PFN4: variants seen among roughly 807,000 people sequenced by gnomAD.
PFN4 encodes profilin family member 4, also known as profilin-4.
A neutral mutation model predicts 16.3 loss-of-function variants in PFN4; 10 were observed. The ratio of observed to expected loss-of-function variants is 0.61; its 90% CI spans 0.38 to 1.04. The LOEUF (loss-of-function observed/expected upper bound fraction) is 1.04, where lower values mean the gene tolerates loss of function less well. PFN4 is among the 50% of genes least tolerant of loss of function. PFN4 has a pLI of 0.01. For missense variants in PFN4, 136 were observed against 153.6 expected (o/e 0.89, Z 0.61); for synonymous variants, 54 against 56.9 (o/e 0.95, Z 0.23).
intron 4 of PFN4, 129 bp from the exon 5 acceptor site, chr2:24,115,740 C>T: frequency 3.1e-6 from 3 of 971,086 alleles, no homozygotes; most frequent in Middle Eastern, 2.1e-4. Context: ...GTGCTAGGTA[C>T]TGGAGAAACA....
chr2:24,121,225 A>G lies in PFN4; in HGVS notation c.193T>C (p.Tyr65His), dbSNP rs1260317208. ...CATCTGTAATCTTTTCCCTTGAAAT[A>G]CAGTCCTTCTCTTCGGGCTTGCAAA... ...NPLQARREGL[Y>H]FKGKDYRCVR... The change falls in exon 3 of 5, where the codon TAT (tyrosine) becomes CAT (histidine). Residue 65 changes from tyrosine to histidine, a missense_variant. Coordinates refer to ENST00000313213, the MANE Select transcript of PFN4 (RefSeq NM_199346.3). 1.9e-6 allele frequency: 3 copies of G among 1,614,204 alleles called. No homozygotes were observed. The highest frequency in any genetic ancestry group is 1.6e-4 in the Middle Eastern group (1 of 6,062).
intron 4 of PFN4, 99 bp from the exon 5 acceptor site, chr2:24,115,710 A>G (rs1416147132): frequency 1.1e-5 from 14 of 1,330,288 alleles, no homozygotes; most frequent in Non-Finnish European, 1.5e-5. Flanking sequence ...TTGCCAGGTG[A>G]CTGCCATGTG....
chr2:24,117,923 C>G (rs1325493923), intron 4 of PFN4, among the ~76,000 whole-genome samples: 1 of 152,208 alleles, frequency 6.6e-6, no homozygotes, highest in Non-Finnish European at 1.5e-5. Context: ...GATAGCTGTC[C>G]CTTCCCAGAG....
intron 4 of PFN4, among the ~76,000 whole-genome samples, chr2:24,115,814 A>G (rs1382713506): frequency 6.6e-6 from 1 of 151,850 alleles, no homozygotes; most frequent in Admixed American, 6.6e-5. Flanking sequence ...AGTAGGGGAT[A>G]TAGGCACACA....
rs1665882173 is a variant in PFN4 at position 24,115,429 on chromosome 2, G to A, written c.*154C>T. 1 of 631,802 alleles carries A rather than the reference G, an allele frequency of 1.6e-6. No homozygotes were observed. Among genetic ancestry groups the A allele is most frequent in the African/African-American group, 1.8e-5 (1 of 54,304 alleles). The allele number at this position is 631,802 out of a possible 1,614,324, so 39.1% of individuals were successfully genotyped here. A position where few individuals can be genotyped will look rare whatever the true frequency, so the allele number is the denominator to read the frequency against. On this transcript the variant is annotated 3_prime_UTR_variant, in exon 5 of 5. Coordinates refer to ENST00000313213, the MANE Select transcript of PFN4 (RefSeq NM_199346.3). ...ATCAAGTAATTCCAGTGAAAGAAGA[G>A]GATCTCTGGAAGTAATAAAAATTGC... is the stretch of plus-strand genomic sequence containing the variant.
chr2:24,121,041 A>G (rs1666099043), intron 3 of PFN4, 122 bp downstream of exon 3: 1 of 1,339,674 alleles, frequency 7.5e-7, no homozygotes, highest in Non-Finnish European at 1.0e-6. Context: ...TGCTATCTCA[A>G]GACAATGGCT....
At chr2:24,119,872 A>G (rs1222248098) in intron 3 of PFN4, among the ~76,000 whole-genome samples, 190 bp from the exon 4 acceptor site, 1 of 152,148 alleles carries the variant, frequency 6.6e-6, no homozygotes, top group Non-Finnish European at 1.5e-5. Context: ...TTTTCCACCA[A>G]TTTAGTTGCC....
intron 3 of PFN4, among the ~76,000 whole-genome samples, chr2:24,120,271 A>C (rs1415168044): frequency 7.5e-6 from 1 of 133,132 alleles, no homozygotes; most frequent in Admixed American, 7.1e-5. Context: ...CTCGTCTCAA[A>C]AAAAAAAACA....
intron 4 of PFN4, among the ~76,000 whole-genome samples, chr2:24,118,854 G>T (rs2151005262): frequency 6.6e-6 from 1 of 152,250 alleles, no homozygotes; most frequent in Admixed American, 6.5e-5. Context: ...TGAATGAGTG[G>T]CTGCTTTTGT....
In PFN4 at chr2:24,121,231, C is replaced by G. The variant is rs555639473; in HGVS notation, c.187G>C (p.Gly63Arg). ...AKNPLQARRE[G>R]LYFKGKDYRC... ...TAATCTTTTCCCTTGAAATACAGTC[C>G]TTCTCTTCGGGCTTGCAAAGGGTTC... The change falls in exon 3 of 5, where the codon GGA (glycine) becomes CGA (arginine). Residue 63 changes from glycine to arginine, a missense_variant. Coordinates refer to ENST00000313213, the MANE Select transcript of PFN4 (RefSeq NM_199346.3). 1 of 1,614,150 alleles carries G rather than the reference C, an allele frequency of 6.2e-7. No individual in the cohort carries two copies. Among genetic ancestry groups the G allele is most frequent in the South Asian group, 1.1e-5 (1 of 91,080 alleles).
chr2:24,114,983 G>A lies in PFN4; in HGVS notation c.*600C>T, dbSNP rs1235643523. On this transcript the variant is annotated 3_prime_UTR_variant, in exon 5 of 5. Coordinates refer to ENST00000313213, the MANE Select transcript of PFN4 (RefSeq NM_199346.3). Reference sequence around the variant, plus strand: ...ACCAGATACCTGCAAATGGGAGTGTGAAATGTCCATTGAATACCTTGACTA... The same window carrying A: ...ACCAGATACCTGCAAATGGGAGTGTAAAATGTCCATTGAATACCTTGACTA... Among the ~76,000 whole-genome samples the A allele has an allele frequency of 6.6e-6, 1 of 152,198 alleles. No individual in the cohort carries two copies. The highest frequency in any genetic ancestry group is 1.5e-5 in the Non-Finnish European group (1 of 68,036).
intron 1 of PFN4, chr2:24,122,778 G>C (rs1246655429): frequency 4.5e-5 from 16 of 356,804 alleles, no homozygotes; most frequent in Middle Eastern, 7.2e-4. Context: ...AGCTGAGTTT[G>C]GAAAATCACA....
rs1006236271 is a variant in PFN4, at chr2:24,115,416, C to T, written c.*167G>A. The T allele has an allele frequency of 2.4e-5, 15 of 612,592 alleles. No individual in the cohort carries two copies. Among genetic ancestry groups the T allele is most frequent in the African/African-American group, 2.2e-4 (12 of 54,008 alleles). The allele number at this position is 612,592 out of a possible 1,614,324, so 37.9% of individuals were successfully genotyped here. A position where few individuals can be genotyped will look rare whatever the true frequency, so the allele number is the denominator to read the frequency against. On this transcript the variant is annotated 3_prime_UTR_variant, in exon 5 of 5. Coordinates refer to ENST00000313213, the MANE Select transcript of PFN4 (RefSeq NM_199346.3). ...TAAAAAACAGTTGATCAAGTAATTC[C>T]AGTGAAAGAAGAGGATCTCTGGAAG...
At chr2:24,122,860 A>G (rs1006376252) in intron 1 of PFN4, 1 of 202,916 alleles carries the variant, frequency 4.9e-6, no homozygotes, top group Non-Finnish European at 9.8e-6. Flanking sequence ...AACATTACAC[A>G]CTGAGAAAAA....
At chr2:24,121,426 G>A in intron 2 of PFN4, 126 bp from the exon 3 acceptor site, 11 of 871,270 alleles carry the variant, frequency 1.3e-5, no homozygotes, top group Admixed American at 3.1e-5. Flanking sequence ...TAAATGGTTG[G>A]GGAAAAAAAA....
At chr2:24,117,545 T>C (rs1665962147) in intron 4 of PFN4, among the ~76,000 whole-genome samples, 1 of 151,638 alleles carries the variant, frequency 6.6e-6, no homozygotes, top group Non-Finnish European at 1.5e-5. Flanking sequence ...TGGGTTCAGG[T>C]GATTCTCCTG....
chr2:24,122,672 G>C, intron 1 of PFN4, 125 bp from the exon 2 acceptor site: 1 of 624,410 alleles, frequency 1.6e-6, no homozygotes, highest in South Asian at 2.2e-5. Flanking sequence ...AAAAGGTACA[G>C]GGTGAAAACG....
At chr2:24,118,490 G>A (rs1309017871) in intron 4 of PFN4, among the ~76,000 whole-genome samples, 2 of 152,314 alleles carry the variant, frequency 1.3e-5, no homozygotes, top group Admixed American at 1.3e-4. Flanking sequence ...CAGACACTGT[G>A]TTAGGTAATG....
chr2:24,117,950 G>T (rs1264157801), intron 4 of PFN4, among the ~76,000 whole-genome samples: 1 of 152,138 alleles, frequency 6.6e-6, no homozygotes, highest in Non-Finnish European at 1.5e-5. Context: ...GATATTAATG[G>T]CGTGATGCCA....
Sources: gnomAD v4.1 joint callset for allele counts (sites outside exome capture counted in the v4.1 genomes callset) on GRCh38, gnomAD v4.1.1 for gene constraint, MANE v1.5 for transcripts, NCBI Gene and HGNC (gene_info 2026-07-23, HGNC 2026-07-21) for gene names.